OR3A2: variants seen among roughly 807,000 people sequenced by gnomAD.
OR3A2 encodes olfactory receptor 3A2.
For missense variants in OR3A2, 318 were observed against 392.8 expected (o/e 0.81, Z 1.61); for synonymous variants, 126 against 159.3 (o/e 0.79, Z 1.57).
At chr17:3,278,997 AT>A in intron 1 of OR3A2, 74 bp from the exon 5 acceptor site, 22 of 1,559,224 alleles carry the variant, frequency 1.4e-5, no homozygotes, top group Non-Finnish European at 1.9e-5. Flanking sequence ...ATTTTAAACC[AT>A]TTATGTTCAA....
intron 2 of OR3A2, among the ~76,000 whole-genome samples, chr17:3,337,048 T>A (rs2049279441): frequency 6.6e-6 from 1 of 152,194 alleles, no homozygotes; most frequent in Admixed American, 6.5e-5. Flanking sequence ...TCATACCTCT[T>A]TCTGCTTCCA....
chr17:3,339,228 C>T (rs1242362844), intron 2 of OR3A2, among the ~76,000 whole-genome samples: 1 of 152,200 alleles, frequency 6.6e-6, no homozygotes, highest in Non-Finnish European at 1.5e-5. Context: ...AAGACTTTTA[C>T]TTCCTCTTTT....
At chr17:3,291,748 T>C in intron 3 of OR3A2, 2 of 1,613,732 alleles carry the variant, frequency 1.2e-6, no homozygotes, top group Middle Eastern at 1.6e-4. Flanking sequence ...GTGTTGAAAA[T>C]TCCAACAGCT....
At position 3,278,512 on chromosome 17, in the gene OR3A2, T is replaced by C. The variant is rs755078543; in HGVS notation, c.406A>G (p.Ser136Gly). The change falls in exon 2 of 2, where the codon AGC (serine) becomes GGC (glycine). Residue 136 changes from serine to glycine, a missense_variant. Transcript: ENST00000642052. ...TGGACTGTCTGACTCATGCGGGTGCTGTAGGTGAGGGGCTGGCAGATGGCC... is the reference window on the plus strand; with the variant it reads ...TGGACTGTCTGACTCATGCGGGTGCCGTAGGTGAGGGGCTGGCAGATGGCC... 6 of 1,613,566 alleles carry C rather than the reference T, an allele frequency of 3.7e-6. No individual in the cohort carries two copies. In the Admixed American group the frequency reaches 1.0e-4, roughly 27 times the overall value.
rs916122414 is a variant in OR3A2, at chr17:3,281,641, TTTTG to T, written c.-7+2713_-7+2716del. Among the ~76,000 whole-genome samples, 483 of 94,802 alleles carry T rather than the reference TTTTG, an allele frequency of 5.1e-3. 1 individual carries two copies. Among genetic ancestry groups the T allele is most frequent in the African/African-American group, 0.019 (407 of 20,984 alleles). 62.2% of individuals were successfully genotyped at this position (94,802 alleles called of 152,430 possible). On this transcript the variant is annotated intron_variant, in intron 1 of 1. Coordinates refer to ENST00000642052, the Ensembl canonical transcript of OR3A2. ...TCTTGCCACCCCCTCAAATTAAGAG[TTTTG>T]TTTGTTTGTTTTGTTTTCTCATTTT...
chr17:3,293,153 T>C (rs200993850), intron 3 of OR3A2, among the ~76,000 whole-genome samples: 8 of 140,956 alleles, frequency 5.7e-5, no homozygotes, highest in Non-Finnish European at 1.2e-4. Flanking sequence ...ATAATTCTCT[T>C]AAAAAAAAAA....
chr17:3,371,475 T>TC (rs1292345266), intron 2 of OR3A2, among the ~76,000 whole-genome samples: 2 of 66,342 alleles, frequency 3.0e-5, no homozygotes, highest in African/African-American at 1.2e-4. Flanking sequence ...GGGGGGCTGA[T>TC]CCCCCCACCT....
chr17:3,340,828 TTC>T (rs2049310803), intron 2 of OR3A2, among the ~76,000 whole-genome samples: 1 of 152,196 alleles, frequency 6.6e-6, no homozygotes, highest in African/African-American at 2.4e-5. Context: ...CTTGTTAACC[TTC>T]TGTCTTGTTG....
intron 2 of OR3A2, among the ~76,000 whole-genome samples, chr17:3,363,614 C>T (rs2049537381): frequency 6.7e-6 from 1 of 149,720 alleles, no homozygotes. Flanking sequence ...TGCCCATTAC[C>T]CAGTTCCAAA....
intron 3 of OR3A2, among the ~76,000 whole-genome samples, chr17:3,297,842 T>G (rs1445778239): frequency 6.6e-6 from 1 of 152,124 alleles, no homozygotes; most frequent in African/African-American, 2.4e-5. Context: ...GCTTTCTGGA[T>G]GAGCTGGAGT....
intron 2 of OR3A2, among the ~76,000 whole-genome samples, chr17:3,358,598 T>A (rs1181013774): frequency 6.6e-6 from 1 of 151,784 alleles, no homozygotes; most frequent in East Asian, 1.9e-4. Flanking sequence ...TGAGTGATTT[T>A]AATAATCTTG....
At chr17:3,332,764 T>C (rs2049248568) in intron 3 of OR3A2, among the ~76,000 whole-genome samples, 1 of 152,228 alleles carries the variant, frequency 6.6e-6, no homozygotes, top group Non-Finnish European at 1.5e-5. Flanking sequence ...CGAACATAAA[T>C]TGTGAAGATT....
intron 2 of OR3A2, among the ~76,000 whole-genome samples, chr17:3,371,812 C>T (rs1375544017): frequency 7.6e-6 from 1 of 131,476 alleles, no homozygotes; most frequent in African/African-American, 3.1e-5. Context: ...GGGCGGCTGG[C>T]CGGGCGGGGG....
intron 2 of OR3A2, among the ~76,000 whole-genome samples, chr17:3,339,655 G>A (rs2049300364): frequency 2.6e-5 from 4 of 152,074 alleles, no homozygotes; most frequent in Admixed American, 2.6e-4. Context: ...GCTTTTTGAT[G>A]TGCTGCTGGA....
At chr17:3,377,074 A>G (rs1409436568) in intron 2 of OR3A2, among the ~76,000 whole-genome samples, 2 of 152,220 alleles carry the variant, frequency 1.3e-5, no homozygotes, top group African/African-American at 4.8e-5. Flanking sequence ...TCAGTTTTTC[A>G]GCTGCCTTGC....
At chr17:3,378,731 T>A (rs980512008) in intron 2 of OR3A2, among the ~76,000 whole-genome samples, 2 of 152,152 alleles carry the variant, frequency 1.3e-5, no homozygotes, top group Admixed American at 1.3e-4. Flanking sequence ...ACTTCCCACA[T>A]GCCCAAATCC....
At chr17:3,296,571 A>G (rs1468906750) in intron 3 of OR3A2, among the ~76,000 whole-genome samples, 1 of 152,226 alleles carries the variant, frequency 6.6e-6, no homozygotes, top group Non-Finnish European at 1.5e-5. Flanking sequence ...AAAAGAAAAT[A>G]CAACTGTATA....
chr17:3,326,526 T>C (rs1268104678), intron 3 of OR3A2, among the ~76,000 whole-genome samples: 1 of 151,556 alleles, frequency 6.6e-6, no homozygotes, highest in Non-Finnish European at 1.5e-5. Context: ...AATACTTTTA[T>C]AATTTCTTAT....
At chr17:3,335,661 CTACACTT>C (rs1342691831) in intron 3 of OR3A2, among the ~76,000 whole-genome samples, 25 of 152,208 alleles carry the variant, frequency 1.6e-4, no homozygotes, top group Middle Eastern at 3.4e-3. Flanking sequence ...CAGCCAGAGA[CTACACTT>C]TACATACATT....
Sources: gnomAD v4.1 joint callset for allele counts (sites outside exome capture counted in the v4.1 genomes callset) on GRCh38, gnomAD v4.1.1 for gene constraint, MANE v1.5 for transcripts, NCBI Gene and HGNC (gene_info 2026-07-23, HGNC 2026-07-21) for gene names.